Variants in LRP1B observed in about 807,000 individuals in gnomAD.
LRP1B encodes LDL receptor related protein 1B.
LRP1B carries 217 observed loss-of-function variants against 556.6 expected under a neutral mutation model. The observed-to-expected ratio is 0.39, with a 90% CI of 0.35 to 0.44. The LOEUF (loss-of-function observed/expected upper bound fraction) is 0.44, where lower values mean the gene tolerates loss of function less well. Ranked by LOEUF, LRP1B falls within the 20% of genes least tolerant of loss-of-function variation. LRP1B has a pLI of 1.00. For synonymous variants in LRP1B, 2,047 were observed against 1,865.8 expected, an observed-to-expected ratio of 1.10 and a Z score of -2.50; for missense variants, 5,053 against 5,620.8, an observed-to-expected ratio of 0.90 and a Z score of 3.23.
At chr2:140,660,001 A>G (rs1685033183) in intron 41 of LRP1B, among the ~76,000 whole-genome samples, 1 of 152,058 alleles carries the variant, frequency 6.6e-6, no homozygotes, top group Non-Finnish European at 1.5e-5. Context: ...AGAAAAATGT[A>G]TATTCTATCA....
intron 7 of LRP1B, among the ~76,000 whole-genome samples, chr2:141,069,874 A>G (rs554728376): frequency 6.6e-5 from 10 of 152,084 alleles, no homozygotes; most frequent in Non-Finnish European, 1.5e-4. Context: ...ACATATGTAT[A>G]CATGTGCCAT....
chr2:140,845,256 C>T, intron 29 of LRP1B, among the ~76,000 whole-genome samples: 1 of 151,992 alleles, frequency 6.6e-6, no homozygotes, highest in East Asian at 1.9e-4. Context: ...AGATTAGTAG[C>T]CATAAGAAAT....
chr2:141,005,295 A>G lies in LRP1B; in HGVS notation c.2503+40T>C, dbSNP rs376043392. On this transcript the variant is annotated intron_variant, in intron 15 of 90. Transcript: ENST00000389484. The stretch of plus-strand genomic sequence containing the variant: ...TCTTCTGCTTCTAGTCTTCAGAAAG[A>G]GCCCGATAAACAAATAAGGGTAACT... The G allele has an allele frequency of 8.1e-6, 13 of 1,600,112 alleles. No homozygotes were observed. The African/African-American group carries it at 1.2e-4, about 15-fold the overall frequency.
At chr2:140,236,459 AT>A (rs1190039347) in intron 89 of LRP1B, among the ~76,000 whole-genome samples, 6 of 151,100 alleles carry the variant, frequency 4.0e-5, no homozygotes, top group Non-Finnish European at 1.5e-5. Context: ...TAGAGAAAAA[AT>A]ATTCTAAAAT....
At chr2:141,969,753 G>C (rs1245029085) in intron 1 of LRP1B, among the ~76,000 whole-genome samples, 2 of 151,508 alleles carry the variant, frequency 1.3e-5, no homozygotes, top group African/African-American at 2.4e-5. Context: ...CAAACCTTTG[G>C]GGTAAATCCT....
intron 6 of LRP1B, among the ~76,000 whole-genome samples, chr2:141,190,222 G>T (rs1465020267): frequency 6.6e-6 from 1 of 151,862 alleles, no homozygotes; most frequent in Non-Finnish European, 1.5e-5. Context: ...CAGCCATCTG[G>T]TCTTTTTTGG....
chr2:141,726,842 A>G (rs1227356897), intron 2 of LRP1B, among the ~76,000 whole-genome samples: 1 of 152,138 alleles, frequency 6.6e-6, no homozygotes, highest in African/African-American at 2.4e-5. Flanking sequence ...AGTGGATGCA[A>G]TCTGCTGCCT....
At chr2:141,718,656 G>A (rs1049265328) in intron 2 of LRP1B, among the ~76,000 whole-genome samples, 3 of 152,042 alleles carry the variant, frequency 2.0e-5, no homozygotes, top group Non-Finnish European at 4.4e-5. Flanking sequence ...TATGTTTTAC[G>A]TACTACAGCA....
chr2:141,221,062 T>C (rs999770073), intron 6 of LRP1B, among the ~76,000 whole-genome samples: 2 of 151,944 alleles, frequency 1.3e-5, no homozygotes, highest in Non-Finnish European at 2.9e-5. Flanking sequence ...CACATAACCT[T>C]AAAAGTAAAT....
At chr2:140,433,677 ATATAAAT>A (rs557188751) in intron 66 of LRP1B, among the ~76,000 whole-genome samples, 208 of 152,322 alleles carry the variant, frequency 1.4e-3, no homozygotes, top group Non-Finnish European at 2.1e-3. Flanking sequence ...TTTAGTTTAA[ATATAAAT>A]TATAAGTTTA....
At chr2:140,517,812 G>A (rs181074364) in intron 49 of LRP1B, among the ~76,000 whole-genome samples, 1 of 149,330 alleles carries the variant, frequency 6.7e-6, no homozygotes, top group East Asian at 2.0e-4. Context: ...CCGGGTTCAA[G>A]TGATTCTCCT....
At chr2:141,808,587 T>C (rs546007293) in intron 2 of LRP1B, among the ~76,000 whole-genome samples, 1 of 152,150 alleles carries the variant, frequency 6.6e-6, no homozygotes, top group South Asian at 2.1e-4. Context: ...ATTTAAGATA[T>C]AATTCACATG....
At chr2:140,538,540 T>C (rs17591870) in intron 45 of LRP1B, among the ~76,000 whole-genome samples, 4,929 of 148,674 alleles carry the variant, frequency 0.033, 82 homozygotes, top group African/African-American at 0.046. Context: ...ACTCTCTCGA[T>C]GATAACAACA....
chr2:142,128,098 TAAAC>T (rs1375503729), intron 1 of LRP1B, among the ~76,000 whole-genome samples: 1 of 152,002 alleles, frequency 6.6e-6, no homozygotes, highest in East Asian at 1.9e-4. Flanking sequence ...ACTAATAAAA[TAAAC>T]AATAAGGAAT....
chr2:140,983,314 G>C (rs1696826924), intron 17 of LRP1B, among the ~76,000 whole-genome samples: 1 of 152,070 alleles, frequency 6.6e-6, no homozygotes, highest in African/African-American at 2.4e-5. Flanking sequence ...GAAAATTGTG[G>C]ATAGGTGAGG....
intron 66 of LRP1B, among the ~76,000 whole-genome samples, chr2:140,430,284 C>T (rs1685864507): frequency 6.6e-6 from 1 of 152,176 alleles, no homozygotes; most frequent in South Asian, 2.1e-4. Flanking sequence ...CGCAAAAGGA[C>T]TACGCGTCAA....
intron 83 of LRP1B, among the ~76,000 whole-genome samples, chr2:140,300,512 C>T (rs1683776827): frequency 6.6e-6 from 1 of 152,116 alleles, no homozygotes; most frequent in Non-Finnish European, 1.5e-5. Context: ...ATCCAGGGAG[C>T]TGGGGAGTTG....
At chr2:142,063,882 A>G (rs1259733826) in intron 1 of LRP1B, among the ~76,000 whole-genome samples, 1 of 151,606 alleles carries the variant, frequency 6.6e-6, no homozygotes, top group Non-Finnish European at 1.5e-5. Context: ...CCACCCTATA[A>G]GTATTTCCTG....
intron 2 of LRP1B, among the ~76,000 whole-genome samples, chr2:141,796,854 G>C (rs1172832854): frequency 6.6e-6 from 1 of 151,258 alleles, no homozygotes; most frequent in Non-Finnish European, 1.5e-5. Flanking sequence ...ACCTTCTTCA[G>C]GGTCTACTTT....
Sources: allele counts gnomAD v4.1 joint callset (sites outside exome capture counted in the v4.1 genomes callset), GRCh38; gene constraint gnomAD v4.1.1; transcripts MANE v1.5; gene names NCBI Gene and HGNC (gene_info 2026-07-23, HGNC 2026-07-21).